The following RBFOX1 variants were observed in gnomAD, a reference collection of about 807,000 sequenced individuals.
The protein encoded by RBFOX1 is RNA binding fox-1 homolog 1.
A neutral mutation model predicts 57.7 loss-of-function variants in RBFOX1; 8 were observed. The ratio of observed to expected loss-of-function variants is 0.14; its 90% CI spans 0.08 to 0.25. The LOEUF (loss-of-function observed/expected upper bound fraction) is 0.25. RBFOX1 is among the 10% of genes least tolerant of loss of function. RBFOX1 has a pLI of 1.00. For synonymous variants in RBFOX1, 326 were observed against 222.4 expected (o/e 1.47, Z -4.15); for missense variants, 611 against 548.5 (o/e 1.11, Z -1.14).
chr16:7,218,182 A>T (rs1434010477), intron 4 of RBFOX1, among the ~76,000 whole-genome samples: 2 of 152,126 alleles, frequency 1.3e-5, no homozygotes, highest in Admixed American at 1.3e-4. Flanking sequence ...CCTTTGCCTG[A>T]GTAGGTGGGG....
chr16:6,171,133 A>C (rs900404518), intron 1 of RBFOX1, among the ~76,000 whole-genome samples: 1 of 152,154 alleles, frequency 6.6e-6, no homozygotes. Context: ...ATCAAATGGT[A>C]GTTCTGTTTT....
At chr16:6,934,543 C>G (rs2077056567) in intron 3 of RBFOX1, among the ~76,000 whole-genome samples, 1 of 151,990 alleles carries the variant, frequency 6.6e-6, no homozygotes. Context: ...ACTATTTGGA[C>G]ATAAAAAGAA....
At chr16:6,837,980 C>A (rs2093222084) in intron 3 of RBFOX1, among the ~76,000 whole-genome samples, 4 of 150,994 alleles carry the variant, frequency 2.6e-5, no homozygotes, top group African/African-American at 9.8e-5. Flanking sequence ...CCACCCCTTT[C>A]CATGGCAATA....
intron 2 of RBFOX1, among the ~76,000 whole-genome samples, chr16:6,452,151 C>G (rs532762113): frequency 1.5e-4 from 23 of 150,974 alleles, no homozygotes; most frequent in African/African-American, 5.6e-4. Context: ...TGGGTCCTTC[C>G]TTCCACGGCT....
intron 3 of RBFOX1, among the ~76,000 whole-genome samples, chr16:5,722,985 A>G (rs1038298035): frequency 7.2e-5 from 11 of 152,196 alleles, no homozygotes; most frequent in Non-Finnish European, 2.9e-5. Flanking sequence ...GTCCACTGCC[A>G]TATTCGCATA....
At chr16:5,256,131 G>C (rs2062585985) in intron 1 of RBFOX1, among the ~76,000 whole-genome samples, 1 of 152,148 alleles carries the variant, frequency 6.6e-6, no homozygotes, top group Non-Finnish European at 1.5e-5. Flanking sequence ...GGAGGGGAAG[G>C]GCAGAGAGCC....
chr16:5,508,482 T>C (rs968256984), intron 2 of RBFOX1, among the ~76,000 whole-genome samples: 1 of 152,138 alleles, frequency 6.6e-6, no homozygotes, highest in Non-Finnish European at 1.5e-5. Context: ...TTCTATTCAT[T>C]AAAAACAAAG....
chr16:7,519,757 G>C (rs1438619436), intron 5 of RBFOX1: 3 of 972,320 alleles, frequency 3.1e-6, no homozygotes, highest in Non-Finnish European at 1.2e-6. Context: ...CCTCAGGAAA[G>C]CAAGTATTTG....
intron 1 of RBFOX1, among the ~76,000 whole-genome samples, chr16:5,394,691 G>C (rs1416287160): frequency 6.6e-6 from 1 of 151,508 alleles, no homozygotes; most frequent in African/African-American, 2.4e-5. Context: ...TGAGACTACA[G>C]ATGCATGCAA....
chr16:7,077,961 C>G (rs1026666726), intron 4 of RBFOX1, among the ~76,000 whole-genome samples: 1 of 152,172 alleles, frequency 6.6e-6, no homozygotes, highest in Non-Finnish European at 1.5e-5. Context: ...AGAAAGTAAA[C>G]TCAAGGGCTG....
intron 3 of RBFOX1, among the ~76,000 whole-genome samples, chr16:5,630,111 C>G (rs1391192880): frequency 6.6e-6 from 1 of 152,176 alleles, no homozygotes; most frequent in Non-Finnish European, 1.5e-5. Flanking sequence ...ATTTGAGGCT[C>G]AGAGGCACAG....
intron 5 of RBFOX1, among the ~76,000 whole-genome samples, chr16:7,520,135 T>C (rs538205662): frequency 6.7e-5 from 10 of 149,748 alleles, no homozygotes; most frequent in African/African-American, 1.9e-4. Flanking sequence ...TCTGCCTGTC[T>C]CGGCCTCCCA....
chr16:7,250,429 A>T (rs1414548712), intron 4 of RBFOX1, among the ~76,000 whole-genome samples: 5 of 152,198 alleles, frequency 3.3e-5, no homozygotes, highest in African/African-American at 1.2e-4. Flanking sequence ...CTTCTAAGTG[A>T]AATCCTTCCT....
At chr16:6,410,167 G>C (rs891631036) in intron 2 of RBFOX1, among the ~76,000 whole-genome samples, 9 of 62,560 alleles carry the variant, frequency 1.4e-4, no homozygotes, top group African/African-American at 8.2e-4. Context: ...GCATCATAAG[G>C]CTGTGTGTGT....
chr16:6,616,006 T>C (rs1489128847), intron 2 of RBFOX1, among the ~76,000 whole-genome samples: 1 of 152,148 alleles, frequency 6.6e-6, no homozygotes, highest in Middle Eastern at 3.2e-3. Context: ...TGAATCCATA[T>C]ATAGACGCAG....
intron 3 of RBFOX1, among the ~76,000 whole-genome samples, chr16:6,919,760 A>G (rs909895696): frequency 7.0e-6 from 1 of 142,464 alleles, no homozygotes; most frequent in Non-Finnish European, 1.5e-5. Context: ...TGACCTGGCT[A>G]AGATCATTCT....
intron 4 of RBFOX1, among the ~76,000 whole-genome samples, chr16:7,278,078 G>A (rs1369327041): frequency 1.3e-5 from 2 of 152,182 alleles, no homozygotes; most frequent in Non-Finnish European, 2.9e-5. Flanking sequence ...TCCGTAGGCG[G>A]CTAAATTGGT....
intron 2 of RBFOX1, among the ~76,000 whole-genome samples, chr16:5,521,299 C>T (rs988410761): frequency 7.5e-5 from 10 of 132,454 alleles, no homozygotes; most frequent in African/African-American, 2.9e-4. Flanking sequence ...CAAGTTTGCA[C>T]AACTGCTGCC....
At chr16:7,086,735 C>CACACAGACACACACACACACAG (rs1437856655) in intron 4 of RBFOX1, among the ~76,000 whole-genome samples, 12 of 152,248 alleles carry the variant, frequency 7.9e-5, no homozygotes, top group African/African-American at 2.6e-4. Flanking sequence ...CACACACACA[C>CACACAGACACACACACACACAG]ACACACTTTA....
Sources: gnomAD v4.1 joint callset for allele counts (sites outside exome capture counted in the v4.1 genomes callset) on GRCh38, gnomAD v4.1.1 for gene constraint, MANE v1.5 for transcripts, NCBI Gene and HGNC (gene_info 2026-07-23, HGNC 2026-07-21) for gene names.